Variants in GGT1 observed in about 807,000 individuals in gnomAD.
GGT1 encodes gamma-glutamyltransferase 1.
GGT1 carries 21 observed loss-of-function variants against 56.0 expected under a neutral mutation model. The ratio of observed to expected loss-of-function variants is 0.38; its 90% CI spans 0.27 to 0.54. GGT1 has a LOEUF of 0.54. GGT1 is among the 20% of genes least tolerant of loss of function. GGT1 has a pLI of 0.82. For synonymous variants in GGT1, 238 were observed against 342.6 expected (o/e 0.69, Z 3.37); for missense variants, 466 against 787.0 (o/e 0.59, Z 4.88).
chr22:24,620,020 A>G lies in GGT1; in HGVS notation c.383-308A>G, dbSNP rs1470761405. ...AAAAAATTAAACATCCCCTCCTAAA[A>G]AAAAACAATTAAAATTAAAAAATAA... On this transcript the variant is annotated intron_variant, in intron 7 of 15. Transcript: ENST00000400382. This position sits in a 1 kb window ranked among gnomAD's most constrained non-coding sequence, Gnocchi z 5.6. Among the ~76,000 whole-genome samples, 63 of 129,182 alleles carry G rather than the reference A, an allele frequency of 4.9e-4. No individual in the cohort carries two copies. The East Asian group carries it at 8.7e-3, about 18-fold the overall frequency. 84.7% of individuals were successfully genotyped at this position (129,182 alleles called of 152,430 possible). A position where few individuals can be genotyped will look rare whatever the true frequency, so the allele number is the denominator to read the frequency against.
chr22:24,607,516 G>A (rs2046396115), intron 1 of GGT1: 1 of 153,414 alleles, frequency 6.5e-6, no homozygotes, highest in African/African-American at 2.4e-5. Flanking sequence ...TGCCATCCAG[G>A]GCCCTCCCAG....
At chr22:24,614,668 G>T in intron 5 of GGT1, 108 bp from the exon 6 acceptor site, 5 of 893,640 alleles carry the variant, frequency 5.6e-6, no homozygotes, top group Non-Finnish European at 8.9e-6. Context: ...CCCAAAACTC[G>T]AATGGACTTC....
rs2045961311 is a variant in GGT1 at position 24,605,058 on chromosome 22, TTATATGTAATATATA to T, written c.-429+1532_-429+1546del. ...TATAAAATATGTAATATATTATATA[TTATATGTAATATATA>T]ATATATAAAGTATATTATATAATAT... is the stretch of plus-strand genomic sequence containing the variant. On this transcript the variant is annotated intron_variant, in intron 1 of 15. Coordinates refer to ENST00000400382, the MANE Select transcript of GGT1 (RefSeq NM_001288833.2). Among the ~76,000 whole-genome samples the T allele has an allele frequency of 4.0e-5, 3 of 74,928 alleles. 1 individual carries two copies. Among genetic ancestry groups the T allele is most frequent in the Admixed American group, 4.4e-4 (2 of 4,554 alleles). 49.2% of individuals were successfully genotyped at this position (74,928 alleles called of 152,430 possible). A position where few individuals can be genotyped will look rare whatever the true frequency, so the allele number is the denominator to read the frequency against.
At chr22:24,611,312 A>AC (rs1040713046) in intron 5 of GGT1, 67 bp downstream of exon 5, 98 of 967,916 alleles carry the variant, frequency 1.0e-4, no homozygotes, top group Non-Finnish European at 1.4e-4. Context: ...CAATACCTTC[A>AC]CCCCCCTGAG....
Position 24,597,399 on chromosome 22 carries a change from C to T in GGT1, c.-324+2513C>T, listed in dbSNP as rs139905863. Among the ~76,000 whole-genome samples, 8 of 152,232 alleles carry T rather than the reference C, an allele frequency of 5.3e-5. No homozygotes were observed. In the East Asian group the frequency reaches 1.3e-3, roughly 26 times the overall value. Reference sequence around the variant, plus strand: ...ACTCAAACTGTGTTTTTTGGCCTGGCGTGGTGGCTCACACCTATAATTCCA... The same window carrying T: ...ACTCAAACTGTGTTTTTTGGCCTGGTGTGGTGGCTCACACCTATAATTCCA... On this transcript the variant is annotated intron_variant, in intron 1 of 6. Coordinates refer to the GGT1 transcript ENST00000411974.
At chr22:24,591,716 C>T (rs1431811455), upstream of GGT1, among the ~76,000 whole-genome samples, 1 of 152,236 alleles carries the variant, frequency 6.6e-6, no homozygotes, top group Non-Finnish European at 1.5e-5. Flanking sequence ...GAGATCTGTG[C>T]CTCTGGTTGT....
upstream of GGT1, chr22:24,593,149 C>G: frequency 3.0e-6 from 3 of 991,158 alleles, no homozygotes; most frequent in Non-Finnish European, 3.6e-6. Flanking sequence ...CTGCCCCGTC[C>G]GGGTCCGAAG....
At position 24,620,392 on chromosome 22, in the gene GGT1, G is replaced by A. The variant is rs1300192681; in HGVS notation, c.447G>A (p.Gly149=). ...ATGAGCTGGCACACCAGCGGCATGG[G>A]CGGCTGCCCTGGGCTCGCCTCTTCC... ...RGYELAHQRH[G]RLPWARLFQP... The change falls in exon 8 of 16, where the codon GGG becomes GGA. Residue 149 remains glycine, a synonymous_variant. Transcript: ENST00000400382. The surrounding 1 kb of genome is among the most constrained non-coding windows in gnomAD (Gnocchi z 5.6). The A allele has an allele frequency of 1.2e-6, 2 of 1,611,286 alleles. No individual in the cohort carries two copies. The highest frequency in any genetic ancestry group is 1.7e-6 in the Non-Finnish European group (2 of 1,179,700).
chr22:24,590,033 T>C, upstream of GGT1: 1 of 1,413,204 alleles, frequency 7.1e-7, no homozygotes, highest in Non-Finnish European at 9.4e-7. Flanking sequence ...ATGCTGCTTA[T>C]GCCCGTTCCT....
chr22:24,616,519 A>G (rs1175834412), intron 7 of GGT1, among the ~76,000 whole-genome samples: 1 of 150,370 alleles, frequency 6.7e-6, no homozygotes, highest in Non-Finnish European at 1.5e-5. Context: ...GTCTTCTGCA[A>G]CATACTCAAT....
intron 1 of GGT1, among the ~76,000 whole-genome samples, chr22:24,604,799 A>G (rs1267213365): frequency 6.7e-6 from 1 of 149,726 alleles, no homozygotes; most frequent in African/African-American, 2.5e-5. Flanking sequence ...TGTAGGCCCT[A>G]CCTCTATTAA....
upstream of GGT1, among the ~76,000 whole-genome samples, chr22:24,591,045 C>T (rs1022040304): frequency 2.0e-5 from 3 of 152,230 alleles, no homozygotes; most frequent in African/African-American, 7.2e-5. Context: ...CCTGTCTACT[C>T]CCACAGGACT....
chr22:24,620,675 C>G lies in GGT1; in HGVS notation c.575+155C>G. On this transcript the variant is annotated intron_variant, in intron 8 of 15. Coordinates refer to ENST00000400382, the MANE Select transcript of GGT1 (RefSeq NM_001288833.2). This position sits in a 1 kb window ranked among gnomAD's most constrained non-coding sequence, Gnocchi z 5.6. ...AGACCCTTCCCACCACGTGTGGGGA[C>G]ACATTCTGAGCGTGGGGTCCCAGTG... 1 of 1,460,978 alleles carries G rather than the reference C, an allele frequency of 6.8e-7. No homozygotes were observed. The highest frequency in any genetic ancestry group is 1.4e-5 in the South Asian group (1 of 68,966). 90.5% of individuals were successfully genotyped at this position (1,460,978 alleles called of 1,614,324 possible). A position where few individuals can be genotyped will look rare whatever the true frequency, so the allele number is the denominator to read the frequency against.
chr22:24,588,113 G>C, the GGT1 span: 1 of 916,954 alleles, frequency 1.1e-6, no homozygotes, highest in Middle Eastern at 3.3e-4. Context: ...GCCTCACCAG[G>C]TGGGATTTCA....
At chr22:24,593,176 AC>A (rs996718356), upstream of GGT1, 3 of 901,128 alleles carry the variant, frequency 3.3e-6, no homozygotes, top group African/African-American at 5.4e-5. Flanking sequence ...CGCCCGCCCC[AC>A]CCCGCGCCGG....
At chr22:24,625,306 C>T (rs888977582) in intron 11 of GGT1, among the ~76,000 whole-genome samples, 29 of 152,278 alleles carry the variant, frequency 1.9e-4, no homozygotes, top group Middle Eastern at 3.4e-3. Flanking sequence ...TACACAGAGT[C>T]TCTGTCATCC....
chr22:24,589,572 G>T, the GGT1 span: 24 of 507,564 alleles, frequency 4.7e-5, no homozygotes, highest in Non-Finnish European at 7.4e-5. Flanking sequence ...GGTGCACAGT[G>T]CTGCCACACA....
chr22:24,606,009 TATC>T (rs1266527732), intron 1 of GGT1, among the ~76,000 whole-genome samples: 2 of 33,466 alleles, frequency 6.0e-5, no homozygotes, highest in African/African-American at 2.6e-4. Flanking sequence ...TTATATAATA[TATC>T]ATATATTATA....
At chr22:24,588,182 G>T in the GGT1 span, 1 of 1,520,730 alleles carries the variant, frequency 6.6e-7, no homozygotes, top group Non-Finnish European at 9.1e-7. Context: ...TGGAGCAGCA[G>T]TGAGGAGGGG....
Sources: gnomAD v4.1 joint callset for allele counts (sites outside exome capture counted in the v4.1 genomes callset) on GRCh38, gnomAD v4.1.1 for gene constraint, Gnocchi (gnomAD v3.1) non-coding constraint, MANE v1.5 for transcripts, NCBI Gene and HGNC (gene_info 2026-07-23, HGNC 2026-07-21) for gene names.